Variants in VCPKMT observed in about 807,000 individuals in gnomAD.
VCPKMT encodes valosin containing protein lysine methyltransferase.
A neutral mutation model predicts 28.6 loss-of-function variants in VCPKMT; 32 were observed. The ratio of observed to expected loss-of-function variants is 1.12; its 90% confidence interval spans 0.84 to 1.50. VCPKMT has a LOEUF of 1.50. Ranked by LOEUF, VCPKMT falls within the 40% of genes most tolerant of loss-of-function variation. The pLI, the probability that VCPKMT is intolerant of heterozygous loss-of-function variation, is 0.00. For missense variants in VCPKMT, 366 were observed against 285.0 expected (o/e 1.28, Z -2.05); for synonymous variants, 138 against 111.4 (o/e 1.24, Z -1.50).
intron 5 of VCPKMT, chr14:50,111,383 T>C: frequency 1.0e-6 from 1 of 985,454 alleles, no homozygotes; most frequent in Non-Finnish European, 1.2e-6. Flanking sequence ...TTAGATTTAG[T>C]CCTAACACCT....
downstream of VCPKMT, among the ~76,000 whole-genome samples, chr14:50,106,156 C>T (rs906489432): frequency 2.6e-5 from 4 of 152,114 alleles, no homozygotes; most frequent in Non-Finnish European, 5.9e-5. Flanking sequence ...CATCTGGAAC[C>T]CCTTAACAAA....
At chr14:50,112,807 T>C in intron 4 of VCPKMT, 88 bp from the exon 5 acceptor site, 2 of 900,430 alleles carry the variant, frequency 2.2e-6, no homozygotes, top group Non-Finnish European at 3.3e-6. Context: ...TACTTTTTTT[T>C]TGAGAGTCTC....
chr14:50,112,392 C>G (rs1261422682), intron 5 of VCPKMT, among the ~76,000 whole-genome samples: 1 of 52,498 alleles, frequency 1.9e-5, no homozygotes, highest in Non-Finnish European at 3.2e-5. Context: ...TTAAAAAATA[C>G]GAGAAAAAAA....
At position 50,114,330 on chromosome 14, in the gene VCPKMT, T is replaced by C. The variant is rs923265254; in HGVS notation, c.525A>G (p.Gln175=). 1.9e-6 allele frequency: 3 copies of C among 1,594,078 alleles called. No individual in the cohort carries two copies. The highest frequency in any genetic ancestry group is 2.3e-5 in the East Asian group (1 of 44,226). The change falls in exon 4 of 6, where the codon CAA becomes CAG. Residue 175 remains glutamine, a synonymous_variant. Transcript: ENST00000395860. ...FETCIICCYE[Q]RTMGKNPEIE... is the part of the protein sequence containing the mutation. The stretch of plus-strand genomic sequence containing the variant: ...TTTCTGGATTTTTCCCCATTGTTCG[T>C]TGTTCATAACAACATATAATACAAG...
At chr14:50,114,822 C>T (rs1315359326) in intron 3 of VCPKMT, among the ~76,000 whole-genome samples, 4 of 152,194 alleles carry the variant, frequency 2.6e-5, no homozygotes, top group Non-Finnish European at 5.9e-5. Context: ...TGCACTACAA[C>T]ATGTGTGACA....
At chr14:50,108,513 AAAGG>A (rs1437029611), downstream of VCPKMT, 7 of 773,888 alleles carry the variant, frequency 9.0e-6, no homozygotes, top group African/African-American at 1.1e-4. Context: ...AATAAACCTG[AAAGG>A]AATGAACTGA....
At chr14:50,105,088 A>G (rs1882278069), downstream of VCPKMT, among the ~76,000 whole-genome samples, 1 of 152,122 alleles carries the variant, frequency 6.6e-6, no homozygotes, top group South Asian at 2.1e-4. Flanking sequence ...ATTTCAAAGT[A>G]GATTCTATTT....
At chr14:50,111,487 A>C (rs550438223) in intron 5 of VCPKMT, 2 of 985,318 alleles carry the variant, frequency 2.0e-6, no homozygotes, top group Non-Finnish European at 2.4e-6. Context: ...ATGATAGAAA[A>C]AGTGTGGGCT....
downstream of VCPKMT, among the ~76,000 whole-genome samples, chr14:50,104,797 T>A (rs901344463): frequency 2.0e-5 from 3 of 152,208 alleles, no homozygotes; most frequent in African/African-American, 7.2e-5. Flanking sequence ...CAAGGTGAAT[T>A]TTAATTTTCA....
Position 50,109,697 on chromosome 14 carries a change from C to T in VCPKMT, c.*2G>A, listed in dbSNP as rs760563672. The T allele has an allele frequency of 5.0e-6, 8 of 1,602,098 alleles. No individual in the cohort carries two copies. The highest frequency in any genetic ancestry group is 2.7e-5 in the African/African-American group (2 of 74,426). On this transcript the variant is annotated 3_prime_UTR_variant, in exon 6 of 6. Transcript: ENST00000395860. ...GAGCCTTGGGTAAGATGATTAAAGG[C>T]TTCACGATGGAAATTTCTATAACAA...
intron 5 of VCPKMT, chr14:50,111,183 GAAA>G: frequency 6.2e-6 from 6 of 970,854 alleles, no homozygotes; most frequent in East Asian, 1.1e-4. Flanking sequence ...TTTTTTGGCC[GAAA>G]AAAAAAAAAA....
intron 5 of VCPKMT, 44 bp from the exon 6 acceptor site, chr14:50,109,757 A>G (rs745458120): frequency 6.3e-7 from 1 of 1,578,024 alleles, no homozygotes; most frequent in African/African-American, 1.4e-5. Context: ...ATTTACCACA[A>G]ACTATTTACT....
At chr14:50,110,340 C>T (rs954343199) in intron 5 of VCPKMT, among the ~76,000 whole-genome samples, 2 of 152,104 alleles carry the variant, frequency 1.3e-5, no homozygotes, top group Non-Finnish European at 2.9e-5. Context: ...AAAATATTCA[C>T]AAATAATGCA....
At chr14:50,111,275 AAC>A (rs1227400357) in intron 5 of VCPKMT, 11 of 985,158 alleles carry the variant, frequency 1.1e-5, no homozygotes, top group Non-Finnish European at 1.3e-5. Context: ...AGCTTCAGTT[AAC>A]ACTAGATCCC....
rs746582225 is a variant in VCPKMT, at chr14:50,116,353, C to G, written c.200G>C (p.Ser67Thr). The G allele has an allele frequency of 6.2e-7, 1 of 1,612,626 alleles. No homozygotes were observed. The highest frequency in any genetic ancestry group is 1.1e-5 in the South Asian group (1 of 90,950). The stretch of plus-strand genomic sequence containing the variant: ...ACCCAGCTCCAGCACCGACCGCCGG[C>G]TCAGCGCGTGGGCCCCGTCGCCAGA... ...EFSGDGAHAL[S>T]RRSVLELGSG... is the part of the protein sequence containing the mutation. Residue 67 changes from serine to threonine, a missense_variant, in exon 1 of 6, where the codon AGC becomes ACC. Ser to Thr is a moderately conservative substitution (Grantham distance 58). Transcript: ENST00000395860.
chr14:50,116,059 C>T lies in VCPKMT; in HGVS notation c.377+10G>A. ...CAATATCTTAAAACAAGCTGAAAGGCCATACAAACCATTTCAGTACCTTGG... is the reference window on the plus strand; with the variant it reads ...CAATATCTTAAAACAAGCTGAAAGGTCATACAAACCATTTCAGTACCTTGG... On this transcript the variant is annotated intron_variant, in intron 2 of 5. Transcript: ENST00000395860. 6.2e-7 allele frequency: 1 copy of T among 1,601,812 alleles called. No homozygotes were observed. Among genetic ancestry groups the T allele is most frequent in the Non-Finnish European group, 8.5e-7 (1 of 1,171,866 alleles).
At chr14:50,114,881 T>A (rs1882993963) in intron 3 of VCPKMT, among the ~76,000 whole-genome samples, 1 of 152,120 alleles carries the variant, frequency 6.6e-6, no homozygotes. Flanking sequence ...AAAACCCCTC[T>A]GTAACTAATG....
rs549564737 is a variant in VCPKMT, at chr14:50,109,660, C to T, written c.*39G>A. The T allele has an allele frequency of 6.9e-6, 11 of 1,587,360 alleles. No homozygotes were observed. Among genetic ancestry groups the T allele is most frequent in the South Asian group, 5.8e-5 (5 of 86,342 alleles). On this transcript the variant is annotated 3_prime_UTR_variant, in exon 6 of 6. Coordinates refer to ENST00000395860, the MANE Select transcript of VCPKMT (RefSeq NM_024558.3). The stretch of plus-strand genomic sequence containing the variant: ...ATGCTCTATTCACATCTTTAGTTTA[C>T]CCAGGTTGTTAGAGCCTTGGGTAAG...
chr14:50,111,077 A>G (rs1170330693), intron 5 of VCPKMT: 1 of 688,426 alleles, frequency 1.5e-6, no homozygotes, highest in Non-Finnish European at 1.8e-6. Flanking sequence ...TAATTTACAC[A>G]ACTATGTGAA....
Sources: allele counts gnomAD v4.1 joint callset (sites outside exome capture counted in the v4.1 genomes callset), GRCh38; gene constraint gnomAD v4.1.1; transcripts MANE v1.5; gene names NCBI Gene and HGNC (gene_info 2026-07-23, HGNC 2026-07-21).